KIF5A: variants seen among roughly 807,000 people sequenced by gnomAD.
The protein encoded by KIF5A is kinesin family member 5A, also known as kinesin heavy chain isoform 5A.
A neutral mutation model predicts 141.3 loss-of-function variants in KIF5A; 35 were observed. The ratio of observed to expected loss-of-function variants is 0.25; its 90% CI spans 0.19 to 0.33. The LOEUF is 0.33. KIF5A is among the 10% of genes least tolerant of loss of function. KIF5A has a pLI of 1.00. For missense variants in KIF5A, 861 were observed against 1,314.3 expected, an observed-to-expected ratio of 0.66 and a Z score of 5.33; for synonymous variants, 448 against 500.2, an observed-to-expected ratio of 0.90 and a Z score of 1.39.
intron 3 of KIF5A, 88 bp from the exon 4 acceptor site, chr12:57,564,020 C>A: frequency 1.1e-6 from 1 of 929,140 alleles, no homozygotes; most frequent in Non-Finnish European, 1.8e-6. Flanking sequence ...TTCTTATTGA[C>A]TCTTGCCTTG....
intron 1 of KIF5A, among the ~76,000 whole-genome samples, chr12:57,556,402 T>G (rs2140154342): frequency 6.6e-6 from 1 of 152,244 alleles, no homozygotes; most frequent in Non-Finnish European, 1.5e-5. Flanking sequence ...CCTCCCAAAG[T>G]GCTGGGATTA....
At chr12:57,556,755 G>T (rs1881760150) in intron 1 of KIF5A, among the ~76,000 whole-genome samples, 1 of 152,086 alleles carries the variant, frequency 6.6e-6, no homozygotes, top group Non-Finnish European at 1.5e-5. Context: ...TTGGCTGGGT[G>T]CCTGGCTTCA....
intron 1 of KIF5A, among the ~76,000 whole-genome samples, chr12:57,562,058 C>T (rs1881923237): frequency 6.6e-6 from 1 of 152,182 alleles, no homozygotes; most frequent in Non-Finnish European, 1.5e-5. Flanking sequence ...TTTACTCGTC[C>T]CAGAGATTTA....
At position 57,571,304 on chromosome 12, in the gene KIF5A, C is replaced by T; in HGVS notation, c.1294-17C>T. ...AGTAGCTTCCCTTCACCTGTCTTTCCCTGTTGCCTCCAACAGGATGATGAA... is the reference window on the plus strand; with the variant it reads ...AGTAGCTTCCCTTCACCTGTCTTTCTCTGTTGCCTCCAACAGGATGATGAA... On this transcript the variant is annotated splice_polypyrimidine_tract_variant and intron_variant, in intron 12 of 28. Transcript: ENST00000455537. 6.7e-7 allele frequency: 1 copy of T among 1,490,618 alleles called. No homozygotes were observed. 92.3% of individuals were successfully genotyped at this position (1,490,618 alleles called of 1,614,324 possible). A position where few individuals can be genotyped will look rare whatever the true frequency, so the allele number is the denominator to read the frequency against.
At chr12:57,563,417 A>G (rs748074868) in intron 1 of KIF5A, 22 bp from the exon 2 acceptor site, 65 of 1,564,962 alleles carry the variant, frequency 4.2e-5, no homozygotes, top group Non-Finnish European at 5.6e-5. Flanking sequence ...TTGACGTCTG[A>G]TATCTTTTAT....
In KIF5A at chr12:57,569,360, T is replaced by C. The variant is rs1594917035; in HGVS notation, c.924T>C (p.Ser308=). Residue 308 remains serine (S), a synonymous_variant, in exon 10 of 29, where the codon AGT becomes AGC. Transcript: ENST00000455537. ...TGTTCATCTGTTGCTCACCATCCAG[T>C]TATAATGATGCAGAGACCAAGTCCA... ...TTMFICCSPS[S]YNDAETKSTL... 2 of 1,614,056 alleles carry C rather than the reference T, an allele frequency of 1.2e-6. No homozygotes were observed. Among genetic ancestry groups the C allele is most frequent in the Non-Finnish European group, 1.7e-6 (2 of 1,179,968 alleles).
At position 57,550,137 on chromosome 12, in the gene KIF5A, C is replaced by G. The variant is rs1341330029; in HGVS notation, c.-135C>G. On this transcript the variant is annotated 5_prime_UTR_variant, in exon 1 of 29. Transcript: ENST00000455537. This position sits in a 1 kb window ranked among gnomAD's most constrained non-coding sequence, Gnocchi z 4.6. Reference sequence around the variant, plus strand: ...CCCGGCCCTGCTCCCCAGGCTTCGCCCGGGCGCCCTCAACTCTGTCCCCAG... The same window carrying G: ...CCCGGCCCTGCTCCCCAGGCTTCGCGCGGGCGCCCTCAACTCTGTCCCCAG... 1 of 1,290,516 alleles carries G rather than the reference C, an allele frequency of 7.7e-7. No individual in the cohort carries two copies. Among genetic ancestry groups the G allele is most frequent in the Non-Finnish European group, 1.1e-6 (1 of 904,600 alleles). 79.9% of individuals were successfully genotyped at this position (1,290,516 alleles called of 1,614,324 possible).
chr12:57,557,910 A>G (rs1881793557), intron 1 of KIF5A, among the ~76,000 whole-genome samples: 1 of 152,164 alleles, frequency 6.6e-6, no homozygotes, highest in Admixed American at 6.5e-5. Context: ...ACATGTGACA[A>G]AATGCAAAGG....
intron 1 of KIF5A, among the ~76,000 whole-genome samples, chr12:57,560,307 A>G (rs12313201): frequency 0.013 from 1,976 of 152,298 alleles, 180 homozygotes; most frequent in Admixed American, 0.12. Context: ...GTCGTCTTCA[A>G]TTTCTCATTA....
intron 17 of KIF5A, 64 bp downstream of exon 17, chr12:57,575,821 A>G: frequency 1.7e-6 from 2 of 1,168,236 alleles, no homozygotes; most frequent in Non-Finnish European, 2.6e-6. Context: ...ATCAAAATAA[A>G]TCACCCCAAT....
intron 24 of KIF5A, 55 bp from the exon 25 acceptor site, chr12:57,581,360 C>A: frequency 1.2e-6 from 2 of 1,609,114 alleles, no homozygotes; most frequent in Non-Finnish European, 8.5e-7. Context: ...CCTCAGGGAC[C>A]AGGGCAAATG....
intron 9 of KIF5A, 79 bp downstream of exon 9, chr12:57,569,146 A>T: frequency 4.5e-6 from 7 of 1,553,318 alleles, no homozygotes; most frequent in Non-Finnish European, 4.4e-6. Flanking sequence ...CCATATGATC[A>T]TGCCCCAATT....
In KIF5A at chr12:57,550,074, C is replaced by T; in HGVS notation, c.-198C>T. On this transcript the variant is annotated 5_prime_UTR_variant, in exon 1 of 29. Transcript: ENST00000455537. This position sits in a 1 kb window ranked among gnomAD's most constrained non-coding sequence, Gnocchi z 4.6. ...GCCCGAAAGGACCAGACGCCCAGGT[C>T]GCCCGCATCCCGCTGCCGCAGGAGA... 1.6e-6 allele frequency: 1 copy of T among 634,974 alleles called. No homozygotes were observed. Among genetic ancestry groups the T allele is most frequent in the Non-Finnish European group, 2.7e-6 (1 of 364,934 alleles). 39.3% of individuals were successfully genotyped at this position (634,974 alleles called of 1,614,324 possible).
chr12:57,551,114 C>T (rs888080371), intron 1 of KIF5A, among the ~76,000 whole-genome samples: 4 of 152,074 alleles, frequency 2.6e-5, no homozygotes, highest in African/African-American at 9.7e-5. Flanking sequence ...ACCCTGAGAT[C>T]CTAGTCAGTA....
At position 57,568,998 on chromosome 12, in the gene KIF5A, C is replaced by T. The variant is rs375693647; in HGVS notation, c.750C>T (p.Asp250=). 1.3e-5 allele frequency: 21 copies of T among 1,613,794 alleles called. No individual in the cohort carries two copies. Among genetic ancestry groups the T allele is most frequent in the Admixed American group, 5.0e-5 (3 of 59,990 alleles). ...SKTGAEGAVL[D]EAKNINKSLS... ...CTGGAGCAGAGGGAGCCGTGCTGGACGAGGCAAAGAATATCAACAAGTCAC... is the reference window on the plus strand; with the variant it reads ...CTGGAGCAGAGGGAGCCGTGCTGGATGAGGCAAAGAATATCAACAAGTCAC... Residue 250 remains aspartate (D), a synonymous_variant, in exon 9 of 29, where the codon GAC becomes GAT. Transcript: ENST00000455537.
At position 57,575,206 on chromosome 12, in the gene KIF5A, G is replaced by A; in HGVS notation, c.1839G>A (p.Val613=). Residue 613 remains valine (V), a synonymous_variant, in exon 16 of 29, where the codon GTG becomes GTA. Transcript: ENST00000455537. ...KRCRQLENLQ[V]ECHRKMEVTG... is the part of the protein sequence containing the mutation. ...GCCGGCAGCTGGAGAACCTCCAGGT[G>A]GAGTGTCACCGCAAGATGGAAGTGA... 1.2e-6 allele frequency: 2 copies of A among 1,613,894 alleles called. No individual in the cohort carries two copies. The highest frequency in any genetic ancestry group is 4.5e-5 in the East Asian group (2 of 44,876).
chr12:57,563,477 C>T lies in KIF5A; in HGVS notation c.168C>T (p.Asn56=). The T allele has an allele frequency of 6.2e-7, 1 of 1,613,978 alleles. No homozygotes were observed. The change falls in exon 2 of 29, where the codon AAC becomes AAT. Residue 56 remains asparagine, a synonymous_variant. Coordinates refer to ENST00000455537, the MANE Select transcript of KIF5A (RefSeq NM_004984.4). The stretch of plus-strand genomic sequence containing the variant: ...TTTTTGACCGTGTATTCCCCCCAAA[C>T]ACGACTCAAGAGCAAGTTTATCATG... The part of the protein sequence containing the change: ...PYVFDRVFPP[N]TTQEQVYHAC...
intron 11 of KIF5A, 121 bp from the exon 12 acceptor site, chr12:57,569,866 T>A (rs760940867): frequency 1.4e-6 from 2 of 1,392,666 alleles, no homozygotes; most frequent in Non-Finnish European, 1.9e-6. Context: ...CCTCCCATAC[T>A]CCCAAAAGGT....
In KIF5A at chr12:57,550,493, TC is replaced by T; in HGVS notation, c.129+98del. On this transcript the variant is annotated intron_variant, in intron 1 of 28. Transcript: ENST00000455537. This position sits in a 1 kb window ranked among gnomAD's most constrained non-coding sequence, Gnocchi z 4.6. The stretch of plus-strand genomic sequence containing the variant: ...CCTTAGTCTCTGCTGGTCCCTTTGC[TC>T]CCCCTCCCCGCCGCTCATCCTTCAT... 1 of 1,241,936 alleles carries T rather than the reference TC, an allele frequency of 8.1e-7. No homozygotes were observed. Among genetic ancestry groups the T allele is most frequent in the South Asian group, 1.3e-5 (1 of 78,436 alleles). The allele number at this position is 1,241,936 out of a possible 1,614,324, so 76.9% of individuals were successfully genotyped here.
Sources: gnomAD v4.1 joint callset for allele counts (sites outside exome capture counted in the v4.1 genomes callset) on GRCh38, gnomAD v4.1.1 for gene constraint, Gnocchi (gnomAD v3.1) non-coding constraint, MANE v1.5 for transcripts, NCBI Gene and HGNC (gene_info 2026-07-23, HGNC 2026-07-21) for gene names.